The following AGTPBP1 variants were observed in gnomAD, a reference collection of about 807,000 sequenced individuals.
AGTPBP1 encodes the protein ATP/GTP binding carboxypeptidase 1.
In AGTPBP1, 70 loss-of-function variants were observed where a neutral mutation model predicts 143.9. The ratio of observed to expected loss-of-function variants is 0.49; its 90% confidence interval spans 0.40 to 0.59. AGTPBP1 has a LOEUF of 0.59. Among genes scored for constraint, AGTPBP1 ranks in the 20% least tolerant of loss-of-function variants. AGTPBP1 has a pLI of 0.00. For missense variants in AGTPBP1, 1,229 were observed against 1,464.5 expected, an observed-to-expected ratio of 0.84 and a Z score of 2.62; for synonymous variants, 463 against 500.2, an observed-to-expected ratio of 0.93 and a Z score of 0.99.
intron 2 of AGTPBP1, among the ~76,000 whole-genome samples, chr9:85,705,488 G>C (rs1836926735): frequency 6.6e-6 from 1 of 151,912 alleles, no homozygotes; most frequent in Admixed American, 6.6e-5. Flanking sequence ...ACCAGCCTGG[G>C]CAACATAGCA....
In AGTPBP1 at chr9:85,655,186, A is replaced by G. The variant is rs749358075; in HGVS notation, c.1044T>C (p.Pro348=). 1 of 1,613,618 alleles carries G rather than the reference A, an allele frequency of 6.2e-7. No individual in the cohort carries two copies. Among genetic ancestry groups the G allele is most frequent in the Non-Finnish European group, 8.5e-7 (1 of 1,179,674 alleles). The change falls in exon 11 of 26, where the codon CCT becomes CCC. Residue 348 remains proline (P), a synonymous_variant. Coordinates refer to ENST00000357081, the MANE Select transcript of AGTPBP1 (RefSeq NM_001330701.2). ...AGAGCTGAGCCACAGGACCAGTCAC[A>G]GGAATAACAGGCAACTGGAAATGAA... ...SSFHFQLPVI[P]VTGPVAQLYS... is the part of the protein sequence containing the mutation.
the AGTPBP1 span, chr9:85,756,052 T>C: frequency 1.4e-6 from 2 of 1,474,516 alleles, no homozygotes; most frequent in South Asian, 2.7e-5. Context: ...AACAAGTAAT[T>C]TTTTTTTTAA....
At chr9:85,635,419 T>C (rs1011303087) in intron 13 of AGTPBP1, among the ~76,000 whole-genome samples, 7 of 152,136 alleles carry the variant, frequency 4.6e-5, no homozygotes, top group African/African-American at 1.7e-4. Flanking sequence ...TTAAAAGGGT[T>C]AAAGGGGTAG....
At chr9:85,754,105 T>G in the AGTPBP1 span, among the ~76,000 whole-genome samples, 1 of 152,222 alleles carries the variant, frequency 6.6e-6, no homozygotes, top group Non-Finnish European at 1.5e-5. Context: ...CTTATTTCAG[T>G]AGAAAGGAGT....
chr9:85,785,278 A>G, the AGTPBP1 span, among the ~76,000 whole-genome samples: 2 of 151,270 alleles, frequency 1.3e-5, no homozygotes, highest in African/African-American at 4.9e-5. Flanking sequence ...AGCTTGCAGT[A>G]AGCCGAGATC....
intron 1 of AGTPBP1, among the ~76,000 whole-genome samples, chr9:85,731,403 G>T (rs1271329042): frequency 6.6e-6 from 1 of 152,060 alleles, no homozygotes; most frequent in Non-Finnish European, 1.5e-5. Context: ...TACTTTGGAA[G>T]TAGTTTGGCA....
chr9:85,746,272 C>T (rs1244223605), upstream of AGTPBP1, among the ~76,000 whole-genome samples: 2 of 152,156 alleles, frequency 1.3e-5, no homozygotes, highest in East Asian at 1.9e-4. Context: ...TCCCAAAAAG[C>T]TGCCTCTCTC....
At chr9:85,691,536 G>GGTGTGTGTGTGT (rs58713865) in intron 3 of AGTPBP1, among the ~76,000 whole-genome samples, 86 of 144,540 alleles carry the variant, frequency 5.9e-4, no homozygotes, top group African/African-American at 7.8e-4. Context: ...AAAAAAAGAG[G>GGTGTGTGTGTGT]GTGTGTGTGT....
chr9:85,704,366 C>G (rs1836852929), intron 2 of AGTPBP1, among the ~76,000 whole-genome samples: 1 of 152,104 alleles, frequency 6.6e-6, no homozygotes, highest in South Asian at 2.1e-4. Flanking sequence ...TGTAAGGAAA[C>G]TACCCAAGAC....
chr9:85,711,241 A>C (rs1837344813), intron 2 of AGTPBP1, among the ~76,000 whole-genome samples: 1 of 152,178 alleles, frequency 6.6e-6, no homozygotes, highest in Non-Finnish European at 1.5e-5. Context: ...TGTTCAGATG[A>C]GAAAACTGAG....
chr9:85,600,129 T>C (rs879583858), intron 17 of AGTPBP1, among the ~76,000 whole-genome samples: 1 of 152,254 alleles, frequency 6.6e-6, no homozygotes, highest in African/African-American at 2.4e-5. Flanking sequence ...GGTATTACTA[T>C]TATCATTATT....
chr9:85,619,051 A>AT lies in AGTPBP1; in HGVS notation c.2266dup (p.Met756AsnfsTer10). The AT allele has an allele frequency of 1.2e-6, 2 of 1,613,928 alleles. No individual in the cohort carries two copies. The highest frequency in any genetic ancestry group is 1.7e-6 in the Non-Finnish European group (2 of 1,179,876). ...AAACCTGTAAGCAACACCTGGTCGC[A>AT]TTCCACTGACTTCAAAGTAAAACCA... On this transcript the variant is annotated frameshift_variant, in exon 17 of 26. Coordinates refer to ENST00000357081, the MANE Select transcript of AGTPBP1 (RefSeq NM_001330701.2). LOFTEE classifies it high-confidence loss of function.
intron 1 of AGTPBP1, among the ~76,000 whole-genome samples, chr9:85,721,925 T>C (rs955190965): frequency 1.3e-5 from 2 of 152,230 alleles, no homozygotes; most frequent in African/African-American, 2.4e-5. Context: ...CTCCTTCACT[T>C]ATAAAGCTTA....
chr9:85,742,289 T>A (rs1824405272), upstream of AGTPBP1, among the ~76,000 whole-genome samples: 1 of 152,122 alleles, frequency 6.6e-6, no homozygotes, highest in Non-Finnish European at 1.5e-5. Context: ...CCCCACGTTC[T>A]TCAAGTCATC....
rs540027729 is a variant in AGTPBP1 at position 85,611,640 on chromosome 9, C to T, written c.2335+7343G>A. 4.7e-4 allele frequency among the ~76,000 whole-genome samples: 72 copies of T among 152,080 alleles called. No individual in the cohort carries two copies. In the South Asian group the frequency reaches 0.014, roughly 29 times the overall value. On this transcript the variant is annotated intron_variant, in intron 17 of 25. Coordinates refer to ENST00000357081, the MANE Select transcript of AGTPBP1 (RefSeq NM_001330701.2). ...GTAGATAGAGAAGACAAAAAATAAA[C>T]AAGGATATAGAAAGTTGAATAGATG...
chr9:85,691,298 T>C (rs1395601568), intron 3 of AGTPBP1, among the ~76,000 whole-genome samples: 1 of 152,098 alleles, frequency 6.6e-6, no homozygotes, highest in Non-Finnish European at 1.5e-5. Context: ...GAGGAAGTTA[T>C]CAAAATAAAT....
chr9:85,605,820 T>C (rs1285787535), intron 17 of AGTPBP1, among the ~76,000 whole-genome samples: 1 of 152,086 alleles, frequency 6.6e-6, no homozygotes, highest in Non-Finnish European at 1.5e-5. Context: ...TTACAATCCA[T>C]GTTGTCATCA....
At chr9:85,568,367 ACAGAAACTGGTC>A (rs752317287) in intron 25 of AGTPBP1, among the ~76,000 whole-genome samples, 11 of 152,184 alleles carry the variant, frequency 7.2e-5, no homozygotes, top group Non-Finnish European at 1.6e-4. Context: ...AAGTTGTAAA[ACAGAAACTGGTC>A]CTTTGCCATA....
intron 8 of AGTPBP1, among the ~76,000 whole-genome samples, chr9:85,668,683 A>G (rs1341145730): frequency 6.6e-6 from 1 of 151,902 alleles, no homozygotes; most frequent in Non-Finnish European, 1.5e-5. Context: ...GTACCCCAGG[A>G]AAAACAAACA....
Sources: allele counts gnomAD v4.1 joint callset (sites outside exome capture counted in the v4.1 genomes callset), GRCh38; gene constraint gnomAD v4.1.1; transcripts MANE v1.5; gene names NCBI Gene and HGNC (gene_info 2026-07-23, HGNC 2026-07-21).